CSMD1: variants seen among roughly 807,000 people sequenced by gnomAD.
The protein encoded by CSMD1 is CUB and Sushi multiple domains 1, also known as CUB and sushi domain-containing protein 1.
In CSMD1, 213 loss-of-function variants were observed where a neutral mutation model predicts 417.5. The observed-to-expected ratio is 0.51, with a 90% CI of 0.46 to 0.57. The LOEUF (loss-of-function observed/expected upper bound fraction) is 0.57, where lower values mean the gene tolerates loss of function less well. Ranked by LOEUF, CSMD1 falls within the 20% of genes least tolerant of loss-of-function variation. CSMD1 has a pLI of 0.00. For missense variants in CSMD1, 6,923 were observed against 4,529.7 expected, an observed-to-expected ratio of 1.53 and a Z score of -15.17; for synonymous variants, 2,862 against 1,736.8, an observed-to-expected ratio of 1.65 and a Z score of -16.11.
chr8:4,437,025 G>A, intron 2 of CSMD1, among the ~76,000 whole-genome samples: 1 of 152,242 alleles, frequency 6.6e-6, no homozygotes. Flanking sequence ...CTATCCCTGA[G>A]ATTGAGACTC....
intron 5 of CSMD1, among the ~76,000 whole-genome samples, chr8:3,904,950 T>G (rs1488649266): frequency 6.6e-6 from 1 of 152,150 alleles, no homozygotes; most frequent in East Asian, 1.9e-4. Context: ...AAATACGTAT[T>G]TTCCTTATCT....
chr8:4,600,053 T>C (rs988337644), intron 2 of CSMD1, among the ~76,000 whole-genome samples: 1 of 152,192 alleles, frequency 6.6e-6, no homozygotes, highest in Non-Finnish European at 1.5e-5. Flanking sequence ...TACCCACCAA[T>C]GGCTTGTCCT....
rs369050748 is a variant in CSMD1, at chr8:4,572,370, T to C, written c.302+64972A>G. 5.3e-5 allele frequency among the ~76,000 whole-genome samples: 8 copies of C among 152,330 alleles called. No individual in the cohort carries two copies. The South Asian group carries it at 8.3e-4, about 16-fold the overall frequency. On this transcript the variant is annotated intron_variant, in intron 2 of 69. Coordinates refer to ENST00000635120, the MANE Select transcript of CSMD1 (RefSeq NM_033225.6). ...ATGGAGGATTTTATTTCTCCTTCGC[T>C]TATGAAGCTTAGTTTGGCTGGACAT...
intron 3 of CSMD1, among the ~76,000 whole-genome samples, chr8:4,318,485 G>C (rs1397296362): frequency 6.6e-6 from 1 of 152,008 alleles, no homozygotes; most frequent in Non-Finnish European, 1.5e-5. Flanking sequence ...AACAAAGCTT[G>C]CATTCAGGAC....
intron 40 of CSMD1, among the ~76,000 whole-genome samples, chr8:3,149,018 G>C (rs1033837495): frequency 4.6e-5 from 7 of 152,054 alleles, no homozygotes; most frequent in African/African-American, 1.7e-4. Flanking sequence ...AAACCCTCAG[G>C]CTATGCAATA....
At chr8:4,004,571 A>T (rs1325908493) in intron 4 of CSMD1, among the ~76,000 whole-genome samples, 2 of 152,118 alleles carry the variant, frequency 1.3e-5, no homozygotes, top group East Asian at 3.8e-4. Flanking sequence ...GGTATTATAA[A>T]CAAAACATAT....
At chr8:3,978,919 C>A (rs12682481) in intron 5 of CSMD1, among the ~76,000 whole-genome samples, 53,072 of 152,082 alleles carry the variant, frequency 0.35, 10,621 homozygotes, top group African/African-American at 0.55. Flanking sequence ...AATTAGCGTC[C>A]TAATGTGCAT....
At chr8:3,553,490 G>A (rs1022588609) in intron 10 of CSMD1, among the ~76,000 whole-genome samples, 3 of 152,146 alleles carry the variant, frequency 2.0e-5, no homozygotes, top group Non-Finnish European at 2.9e-5. Flanking sequence ...ATATTCCTAA[G>A]ACAGCTGCGT....
chr8:4,467,454 A>G (rs1422557378), intron 2 of CSMD1, among the ~76,000 whole-genome samples: 2 of 152,200 alleles, frequency 1.3e-5, no homozygotes, highest in Non-Finnish European at 2.9e-5. Context: ...TAAACCGTTA[A>G]TCTTGGCTGT....
intron 5 of CSMD1, among the ~76,000 whole-genome samples, chr8:3,986,255 TG>T (rs1393049688): frequency 6.6e-6 from 1 of 152,156 alleles, no homozygotes; most frequent in Non-Finnish European, 1.5e-5. Flanking sequence ...TTCCCTCGCC[TG>T]GCTGAGGGCA....
chr8:4,558,620 A>T (rs1487378772), intron 2 of CSMD1, among the ~76,000 whole-genome samples: 1 of 152,100 alleles, frequency 6.6e-6, no homozygotes. Context: ...TAATCCCAGC[A>T]CTTTGGGAGG....
At chr8:4,744,044 C>T (rs985448657) in intron 1 of CSMD1, among the ~76,000 whole-genome samples, 3 of 152,208 alleles carry the variant, frequency 2.0e-5, no homozygotes, top group Non-Finnish European at 4.4e-5. Context: ...CACGCAGCCC[C>T]GTTTTTCTTA....
intron 7 of CSMD1, among the ~76,000 whole-genome samples, chr8:3,622,241 A>C (rs1448750842): frequency 6.6e-6 from 1 of 152,200 alleles, no homozygotes; most frequent in African/African-American, 2.4e-5. Context: ...CTGCCATCAC[A>C]GGCTGGATGT....
chr8:3,273,417 G>A (rs1304550460), intron 26 of CSMD1, among the ~76,000 whole-genome samples: 1 of 152,040 alleles, frequency 6.6e-6, no homozygotes, highest in South Asian at 2.1e-4. Context: ...TCTCTGCCAG[G>A]CTTTGGTATC....
At position 3,772,392 on chromosome 8, in the gene CSMD1, T is replaced by C. The variant is rs1798635980; in HGVS notation, c.819-18350A>G. ...ATATACATATATTCATATATTTATA[T>C]ATACACATATATACATATATTTATA... On this transcript the variant is annotated intron_variant, in intron 5 of 69. Transcript: ENST00000635120. 5.4e-5 allele frequency among the ~76,000 whole-genome samples: 7 copies of C among 129,554 alleles called. 2 individuals are homozygous for C. Among genetic ancestry groups the C allele is most frequent in the African/African-American group, 1.6e-4 (5 of 30,694 alleles). The allele number at this position is 129,554 out of a possible 152,430, so 85.0% of individuals were successfully genotyped here. A position where few individuals can be genotyped will look rare whatever the true frequency, so the allele number is the denominator to read the frequency against.
At chr8:4,547,288 G>A (rs527467656) in intron 2 of CSMD1, among the ~76,000 whole-genome samples, 1 of 152,258 alleles carries the variant, frequency 6.6e-6, no homozygotes, top group South Asian at 2.1e-4. Flanking sequence ...ATTACTAAAT[G>A]TAAAGGCATT....
At chr8:4,623,185 T>C (rs1339951151) in intron 2 of CSMD1, among the ~76,000 whole-genome samples, 3 of 152,094 alleles carry the variant, frequency 2.0e-5, no homozygotes, top group Non-Finnish European at 4.4e-5. Context: ...GCAAAATATT[T>C]TAACAGATAC....
chr8:3,018,683 T>A, intron 51 of CSMD1, 33 bp from the exon 52 acceptor site: 1 of 1,590,120 alleles, frequency 6.3e-7, no homozygotes. Context: ...GAACATCAAT[T>A]CAGTTATGCA....
chr8:4,605,934 A>G (rs954549800), intron 2 of CSMD1, among the ~76,000 whole-genome samples: 1 of 152,160 alleles, frequency 6.6e-6, no homozygotes, highest in Non-Finnish European at 1.5e-5. Context: ...AAACATTTTT[A>G]TGACGAGGAT....
Sources: allele counts gnomAD v4.1 joint callset (sites outside exome capture counted in the v4.1 genomes callset), GRCh38; gene constraint gnomAD v4.1.1; transcripts MANE v1.5; gene names NCBI Gene and HGNC (gene_info 2026-07-23, HGNC 2026-07-21).